The following LRPPRC variants were observed in gnomAD, a reference collection of about 807,000 sequenced individuals.
The protein encoded by LRPPRC is leucine-rich PPR motif-containing protein, mitochondrial.
A neutral mutation model predicts 180.3 loss-of-function variants in LRPPRC; 120 were observed. The observed-to-expected ratio is 0.67, with a 90% CI of 0.57 to 0.77. LRPPRC has a LOEUF of 0.77. LRPPRC is among the 30% of genes least tolerant of loss of function. The probability of loss-of-function intolerance (pLI) is 0.00; values close to 1 mark genes in which losing one functional copy is unlikely to be tolerated. For synonymous variants in LRPPRC, 723 were observed against 600.0 expected (o/e 1.21, Z -3.00); for missense variants, 2,012 against 1,657.2 (o/e 1.21, Z -3.72).
At chr2:43,989,579 T>C (rs1302533186) in intron 1 of LRPPRC, among the ~76,000 whole-genome samples, 2 of 152,230 alleles carry the variant, frequency 1.3e-5, no homozygotes, top group South Asian at 2.1e-4. Context: ...CAAGTTTATA[T>C]CATATATTGC....
chr2:43,974,040 C>T (rs988241127), intron 9 of LRPPRC, 110 bp downstream of exon 9: 4 of 1,257,854 alleles, frequency 3.2e-6, no homozygotes, highest in Non-Finnish European at 4.7e-6. Flanking sequence ...AACACAAGAA[C>T]ATTGTTATGA....
At chr2:43,930,917 A>G (rs1217945355) in intron 25 of LRPPRC, among the ~76,000 whole-genome samples, 1 of 152,172 alleles carries the variant, frequency 6.6e-6, no homozygotes, top group African/African-American at 2.4e-5. Context: ...CTTTTAGTCT[A>G]TGACCTTTTC....
Position 43,961,301 on chromosome 2 carries a change from CAG to C in LRPPRC, c.1489-669_1489-668del, listed in dbSNP as rs1234655236. Among the ~76,000 whole-genome samples, 10 of 152,038 alleles carry C rather than the reference CAG, an allele frequency of 6.6e-5. No homozygotes were observed. The East Asian group carries it at 1.3e-3, about 20-fold the overall frequency. On this transcript the variant is annotated intron_variant, in intron 12 of 37. Transcript: ENST00000260665. ...CTTCAGGTCTCTAGTAAGCCAGAAA[CAG>C]AGACTTTTAGGGGGAGTTTGAAAGT...
At chr2:43,890,294 G>A (rs1196696361) in intron 36 of LRPPRC, 1 of 463,910 alleles carries the variant, frequency 2.2e-6, no homozygotes, top group African/African-American at 2.0e-5. Flanking sequence ...AGAGGGACAT[G>A]TCAATTATGT....
At position 43,943,909 on chromosome 2, in the gene LRPPRC, C is replaced by T. The variant is rs1281695369; in HGVS notation, c.2297-15G>A. On this transcript the variant is annotated splice_polypyrimidine_tract_variant and intron_variant, in intron 22 of 37. Transcript: ENST00000260665. The stretch of plus-strand genomic sequence containing the variant: ...GTTAATAGCATCTACAATGAAGTAA[C>T]ACAAAAGACCCTTAGGTAATTTCAT... 4 of 1,571,988 alleles carry T rather than the reference C, an allele frequency of 2.5e-6. No individual in the cohort carries two copies. The highest frequency in any genetic ancestry group is 2.6e-6 in the Non-Finnish European group (3 of 1,142,016).
chr2:43,924,360 T>C (rs1671802153), intron 27 of LRPPRC, among the ~76,000 whole-genome samples: 1 of 152,142 alleles, frequency 6.6e-6, no homozygotes, highest in Non-Finnish European at 1.5e-5. Flanking sequence ...AGATCGAAAG[T>C]TTCAGAAATG....
chr2:43,950,467 G>T (rs1002569600), intron 15 of LRPPRC, 106 bp downstream of exon 15: 12 of 1,029,294 alleles, frequency 1.2e-5, no homozygotes, highest in Non-Finnish European at 1.8e-5. Flanking sequence ...CAAAATTTTA[G>T]TAGAAAACCA....
At chr2:43,947,969 AT>A (rs775812444) in intron 18 of LRPPRC, among the ~76,000 whole-genome samples, 152 bp downstream of exon 18, 14 of 152,138 alleles carry the variant, frequency 9.2e-5, no homozygotes, top group Non-Finnish European at 1.8e-4. Context: ...TATAAATAGT[AT>A]TTATGAACAA....
chr2:43,971,745 G>A (rs1474818873), intron 11 of LRPPRC, among the ~76,000 whole-genome samples: 1 of 151,966 alleles, frequency 6.6e-6, no homozygotes, highest in East Asian at 1.9e-4. Context: ...GCACTAATAA[G>A]AATGTTACTT....
intron 31 of LRPPRC, among the ~76,000 whole-genome samples, chr2:43,904,160 TTG>T (rs1280487171): frequency 2.6e-5 from 4 of 152,090 alleles, no homozygotes; most frequent in Non-Finnish European, 4.4e-5. Flanking sequence ...CAGGCTGGTC[TTG>T]AACTCCTGGA....
intron 25 of LRPPRC, among the ~76,000 whole-genome samples, chr2:43,926,414 C>G (rs549522538): frequency 6.6e-6 from 1 of 151,940 alleles, no homozygotes; most frequent in East Asian, 1.9e-4. Flanking sequence ...TTTTTTTAGA[C>G]AGAGTCTCAA....
In LRPPRC at chr2:43,943,974, C is replaced by A. The variant is rs1245733460; in HGVS notation, c.2297-80G>T. The A allele has an allele frequency of 3.0e-6, 3 of 990,598 alleles. No homozygotes were observed. In the African/African-American group the frequency reaches 4.8e-5, roughly 16 times the overall value. 61.4% of individuals were successfully genotyped at this position (990,598 alleles called of 1,614,324 possible). On this transcript the variant is annotated intron_variant, in intron 22 of 37. Coordinates refer to ENST00000260665, the MANE Select transcript of LRPPRC (RefSeq NM_133259.4). Reference sequence around the variant, plus strand: ...CTGCTATTAAAACAGCATTTCAAGCCCAGCAGGAATGTAAATTCTAGTGTA... The same window carrying A: ...CTGCTATTAAAACAGCATTTCAAGCACAGCAGGAATGTAAATTCTAGTGTA...
chr2:43,996,058 TG>T (rs1173553887), upstream of LRPPRC: 19 of 1,078,952 alleles, frequency 1.8e-5, no homozygotes, highest in Admixed American at 1.6e-4. Context: ...GTGCCAAATG[TG>T]GGGGGAGCGA....
chr2:43,891,713 A>G (rs1670498624), intron 36 of LRPPRC, among the ~76,000 whole-genome samples: 1 of 152,196 alleles, frequency 6.6e-6, no homozygotes, highest in Non-Finnish European at 1.5e-5. Flanking sequence ...AAACCCTATT[A>G]TAGCCTCTAA....
intron 14 of LRPPRC, among the ~76,000 whole-genome samples, chr2:43,956,218 T>A (rs1007682292): frequency 1.3e-5 from 2 of 152,122 alleles, no homozygotes; most frequent in Non-Finnish European, 2.9e-5. Flanking sequence ...AATAAAGAGA[T>A]GTAGCAATCA....
chr2:43,952,602 T>C (rs1030733454), intron 14 of LRPPRC, among the ~76,000 whole-genome samples: 8 of 152,338 alleles, frequency 5.3e-5, no homozygotes, highest in East Asian at 3.9e-4. Flanking sequence ...CTCAACCTCT[T>C]TCAGGAACTG....
At chr2:43,901,634 C>T in intron 31 of LRPPRC, 110 bp from the exon 32 acceptor site, 2 of 714,392 alleles carry the variant, frequency 2.8e-6, no homozygotes, top group Non-Finnish European at 5.0e-6. Flanking sequence ...AAACAAAAAG[C>T]TATGAATAAT....
At chr2:43,918,806 T>G (rs754869598) in intron 27 of LRPPRC, among the ~76,000 whole-genome samples, 65 of 134,982 alleles carry the variant, frequency 4.8e-4, no homozygotes, top group Middle Eastern at 3.9e-3. Context: ...TATATATATA[T>G]ATAGATATAT....
intron 23 of LRPPRC, among the ~76,000 whole-genome samples, chr2:43,941,838 A>T (rs1230781727): frequency 5.1e-5 from 2 of 39,244 alleles, no homozygotes; most frequent in African/African-American, 1.4e-4. Flanking sequence ...AAAGTAGTCT[A>T]AAAAAAAAAA....
Sources: gnomAD v4.1 joint callset for allele counts (sites outside exome capture counted in the v4.1 genomes callset) on GRCh38, gnomAD v4.1.1 for gene constraint, MANE v1.5 for transcripts, NCBI Gene and HGNC (gene_info 2026-07-23, HGNC 2026-07-21) for gene names.